Variants in RAPGEF2 observed in about 807,000 individuals in gnomAD.
The protein encoded by RAPGEF2 is Rap guanine nucleotide exchange factor 2.
Under a neutral mutation model 186.7 loss-of-function variants are expected in RAPGEF2, and 54 were observed. The observed-to-expected ratio is 0.29, with a 90% confidence interval of 0.23 to 0.36. The LOEUF is 0.36. Among genes scored for constraint, RAPGEF2 ranks in the 10% least tolerant of loss-of-function variants. The probability of loss-of-function intolerance (pLI) is 1.00; values close to 1 mark genes in which losing one functional copy is unlikely to be tolerated. For synonymous variants in RAPGEF2, 712 were observed against 705.9 expected (o/e 1.01, Z -0.14); for missense variants, 1,532 against 2,045.0 (o/e 0.75, Z 4.84).
chr4:159,260,463 C>T (rs1289325573), intron 7 of RAPGEF2, among the ~76,000 whole-genome samples: 4 of 151,956 alleles, frequency 2.6e-5, no homozygotes, highest in South Asian at 4.1e-4. Flanking sequence ...CCTTTCTACT[C>T]GCATTTTCCC....
At chr4:159,197,897 G>A (rs1012677002) in intron 3 of RAPGEF2, among the ~76,000 whole-genome samples, 1 of 152,142 alleles carries the variant, frequency 6.6e-6, no homozygotes, top group African/African-American at 2.4e-5. Context: ...GTCTCTAGGA[G>A]GAAGGGATGT....
intron 1 of RAPGEF2, among the ~76,000 whole-genome samples, chr4:159,139,865 T>A (rs1561003845): frequency 6.6e-6 from 1 of 152,168 alleles, no homozygotes; most frequent in Non-Finnish European, 1.5e-5. Context: ...GGTTTTTAGT[T>A]TTGTCCTATT....
intron 7 of RAPGEF2, among the ~76,000 whole-genome samples, chr4:159,264,702 T>C (rs1288466726): frequency 1.3e-5 from 2 of 152,170 alleles, no homozygotes; most frequent in East Asian, 3.8e-4. Flanking sequence ...TCCAGAACTT[T>C]TTTGATCTTC....
In RAPGEF2 at chr4:159,237,842, TAAAAAA is replaced by T. The variant is rs58593781; in HGVS notation, c.282-943_282-938del. ...AGCTAGACTTTGTCTCTACAAAAAT[TAAAAAA>T]AAAAAAAAAAAAAAAAAAAAAAAGC... On this transcript the variant is annotated intron_variant, in intron 4 of 29. Coordinates refer to ENST00000691494, the MANE Select transcript of RAPGEF2 (RefSeq NM_001394067.2). Among the ~76,000 whole-genome samples the T allele has an allele frequency of 2.1e-3, 138 of 66,922 alleles. 1 individual carries two copies. The highest frequency in any genetic ancestry group is 0.02 in the East Asian group (23 of 1,124). 43.9% of individuals were successfully genotyped at this position (66,922 alleles called of 152,430 possible).
chr4:159,276,850 A>G (rs1758950806), intron 7 of RAPGEF2, among the ~76,000 whole-genome samples: 3 of 152,110 alleles, frequency 2.0e-5, no homozygotes, highest in Admixed American at 2.0e-4. Flanking sequence ...TTTTTTCAAA[A>G]AAAAAAGGAA....
chr4:159,280,539 G>A (rs189377404), intron 7 of RAPGEF2, among the ~76,000 whole-genome samples: 47 of 152,258 alleles, frequency 3.1e-4, no homozygotes, highest in African/African-American at 1.0e-3. Context: ...GAAGGAGTTC[G>A]TGTCAAGTGC....
intron 1 of RAPGEF2, among the ~76,000 whole-genome samples, chr4:159,113,600 G>A (rs956796000): frequency 3.9e-5 from 6 of 151,982 alleles, no homozygotes; most frequent in African/African-American, 1.5e-4. Context: ...AAATTAGCCA[G>A]GAGTGGTGGC....
At chr4:159,352,272 A>G (rs925410267) in intron 26 of RAPGEF2, among the ~76,000 whole-genome samples, 1 of 152,226 alleles carries the variant, frequency 6.6e-6, no homozygotes, top group African/African-American at 2.4e-5. Flanking sequence ...TCTATGCCAT[A>G]CAAGTTCTAA....
Position 159,235,729 on chromosome 4 carries a change from G to A in RAPGEF2, c.282-3080G>A, listed in dbSNP as rs540690848. Among the ~76,000 whole-genome samples the A allele has an allele frequency of 2.6e-5, 4 of 152,204 alleles. No homozygotes were observed. In the East Asian group the frequency reaches 5.8e-4, roughly 22 times the overall value. On this transcript the variant is annotated intron_variant, in intron 4 of 29. Coordinates refer to ENST00000691494, the MANE Select transcript of RAPGEF2 (RefSeq NM_001394067.2). ...TTTCAGTTTATTTGTGTAGAACTTC[G>A]CCAAAGATTTTTGAAAATGTAGTAA...
At chr4:159,272,777 G>A (rs758872835) in intron 7 of RAPGEF2, among the ~76,000 whole-genome samples, 9 of 152,210 alleles carry the variant, frequency 5.9e-5, no homozygotes, top group Non-Finnish European at 1.2e-4. Flanking sequence ...TGTTAGAGTA[G>A]ACTGTGTTAG....
At chr4:159,279,756 G>A (rs1487209769) in intron 7 of RAPGEF2, among the ~76,000 whole-genome samples, 1 of 151,742 alleles carries the variant, frequency 6.6e-6, no homozygotes, top group Non-Finnish European at 1.5e-5. Flanking sequence ...TCAGCTCACT[G>A]CAACCTCCAC....
chr4:159,249,476 T>C (rs970444088), intron 7 of RAPGEF2, among the ~76,000 whole-genome samples: 2 of 152,038 alleles, frequency 1.3e-5, no homozygotes, highest in Non-Finnish European at 2.9e-5. Flanking sequence ...AATGCCTCTC[T>C]GTTAGCTGGA....
chr4:159,157,590 T>A (rs1328965629), intron 1 of RAPGEF2, among the ~76,000 whole-genome samples: 4 of 152,190 alleles, frequency 2.6e-5, no homozygotes, highest in African/African-American at 4.8e-5. Flanking sequence ...AAGAACATGT[T>A]TTACAGGACC....
chr4:159,206,463 A>G (rs1360324711), intron 3 of RAPGEF2, among the ~76,000 whole-genome samples: 4 of 152,160 alleles, frequency 2.6e-5, no homozygotes, highest in Non-Finnish European at 4.4e-5. Context: ...TGAGGTCTCA[A>G]TTTGCATATC....
intron 1 of RAPGEF2, among the ~76,000 whole-genome samples, chr4:159,131,823 G>A (rs1044110672): frequency 3.3e-5 from 5 of 151,594 alleles, no homozygotes; most frequent in African/African-American, 1.2e-4. Flanking sequence ...TTTTAACATA[G>A]AATTACTTTG....
chr4:159,243,092 G>T (rs1754198252), intron 6 of RAPGEF2, among the ~76,000 whole-genome samples: 1 of 149,638 alleles, frequency 6.7e-6, no homozygotes, highest in Non-Finnish European at 1.5e-5. Flanking sequence ...TTTAAAATAT[G>T]TATTTCTTTT....
chr4:159,347,354 A>T (rs1730467753), intron 25 of RAPGEF2, among the ~76,000 whole-genome samples: 1 of 152,260 alleles, frequency 6.6e-6, no homozygotes, highest in African/African-American at 2.4e-5. Context: ...TTTAAGCAGA[A>T]TATTTTTAAG....
chr4:159,346,688 T>C, intron 24 of RAPGEF2, 101 bp from the exon 25 acceptor site: 1 of 990,620 alleles, frequency 1.0e-6, no homozygotes, highest in Non-Finnish European at 1.5e-6. Context: ...AATTTAGTAT[T>C]CTAACTGCAG....
At chr4:159,200,348 C>A (rs1025089121) in intron 3 of RAPGEF2, among the ~76,000 whole-genome samples, 3 of 152,032 alleles carry the variant, frequency 2.0e-5, no homozygotes, top group Non-Finnish European at 4.4e-5. Context: ...CCTCTGTGGT[C>A]CCAGCACTGC....
Sources: allele counts gnomAD v4.1 joint callset (sites outside exome capture counted in the v4.1 genomes callset), GRCh38; gene constraint gnomAD v4.1.1; transcripts MANE v1.5; gene names NCBI Gene and HGNC (gene_info 2026-07-23, HGNC 2026-07-21).